PPP1R12B: variants seen among roughly 807,000 people sequenced by gnomAD.
The protein encoded by PPP1R12B is protein phosphatase 1 regulatory subunit 12B.
PPP1R12B carries 76 observed loss-of-function variants against 126.1 expected under a neutral mutation model. That is an observed-to-expected ratio of 0.60 (90% CI 0.50 to 0.73). The LOEUF (loss-of-function observed/expected upper bound fraction) is 0.73, where lower values mean the gene tolerates loss of function less well. PPP1R12B is among the 30% of genes least tolerant of loss of function. The pLI is 0.00. For synonymous variants in PPP1R12B, 356 were observed against 434.7 expected, an observed-to-expected ratio of 0.82 and a Z score of 2.25; for missense variants, 1,052 against 1,205.1, an observed-to-expected ratio of 0.87 and a Z score of 1.88.
chr1:202,455,204 A>G (rs1242375046), intron 13 of PPP1R12B, among the ~76,000 whole-genome samples: 1 of 122,326 alleles, frequency 8.2e-6, no homozygotes, highest in Non-Finnish European at 1.9e-5. Flanking sequence ...ATATATATAT[A>G]TAGAGAGAGA....
chr1:202,493,795 G>T (rs1385495753), intron 15 of PPP1R12B, among the ~76,000 whole-genome samples: 1 of 152,150 alleles, frequency 6.6e-6, no homozygotes, highest in South Asian at 2.1e-4. Flanking sequence ...CCAAGAAGTG[G>T]TTAAGCCAGA....
At chr1:202,488,724 A>C in intron 14 of PPP1R12B, 101 bp downstream of exon 14, 1 of 952,332 alleles carries the variant, frequency 1.1e-6, no homozygotes, top group Admixed American at 2.2e-5. Flanking sequence ...TGCTGATTTA[A>C]ACACACACAC....
At chr1:202,439,717 C>T (rs1185153595) in intron 10 of PPP1R12B, 117 of 584,584 alleles carry the variant, frequency 2.0e-4, no homozygotes, top group African/African-American at 1.8e-3. Context: ...GCAGCCCAGC[C>T]AGCAGGAGGG....
chr1:202,537,034 G>T (rs919012329), intron 18 of PPP1R12B, among the ~76,000 whole-genome samples: 1 of 152,128 alleles, frequency 6.6e-6, no homozygotes, highest in Non-Finnish European at 1.5e-5. Context: ...CTAAAATAAT[G>T]ATTTAAAATA....
Position 202,580,680 on chromosome 1 carries a change from T to G in PPP1R12B, c.*120T>G. 1 of 794,646 alleles carries G rather than the reference T, an allele frequency of 1.3e-6. No individual in the cohort carries two copies. 49.2% of individuals were successfully genotyped at this position (794,646 alleles called of 1,614,324 possible). Reference sequence around the variant, plus strand: ...GTTTTGGTGGAAGGACACTTCTTTCTATCACCCTCTTCAGTCACCTCTATA... The same window carrying G: ...GTTTTGGTGGAAGGACACTTCTTTCGATCACCCTCTTCAGTCACCTCTATA... On this transcript the variant is annotated 3_prime_UTR_variant, in exon 24 of 24. Coordinates refer to ENST00000608999, the MANE Select transcript of PPP1R12B (RefSeq NM_002481.4).
At chr1:202,489,397 A>G (rs1187068489) in intron 14 of PPP1R12B, among the ~76,000 whole-genome samples, 2 of 152,238 alleles carry the variant, frequency 1.3e-5, no homozygotes, top group African/African-American at 2.4e-5. Flanking sequence ...ATGTTCATAT[A>G]AAAACTTGTA....
intron 13 of PPP1R12B, among the ~76,000 whole-genome samples, chr1:202,483,811 G>T (rs1020975235): frequency 2.0e-5 from 3 of 152,096 alleles, no homozygotes; most frequent in Non-Finnish European, 4.4e-5. Flanking sequence ...TGGATGGATG[G>T]ATGTATTTAT....
At chr1:202,564,362 C>T in intron 20 of PPP1R12B, 81 bp from the exon 21 acceptor site, 1 of 1,052,574 alleles carries the variant, frequency 9.5e-7, no homozygotes, top group Non-Finnish European at 1.4e-6. Context: ...GCTTGGGGCA[C>T]AGAGCCCTGG....
intron 1 of PPP1R12B, among the ~76,000 whole-genome samples, chr1:202,406,211 A>G (rs1211495583): frequency 6.6e-6 from 1 of 152,218 alleles, no homozygotes; most frequent in African/African-American, 2.4e-5. Flanking sequence ...TTTACTCTAC[A>G]TGCCAACTTG....
chr1:202,418,700 G>A (rs1052921203), intron 2 of PPP1R12B, among the ~76,000 whole-genome samples: 13 of 151,962 alleles, frequency 8.6e-5, no homozygotes, highest in Non-Finnish European at 8.8e-5. Flanking sequence ...GTGGGGTGGC[G>A]GTGAGATGGC....
chr1:202,547,965 C>T (rs577245687), intron 18 of PPP1R12B, among the ~76,000 whole-genome samples: 16 of 152,322 alleles, frequency 1.1e-4, no homozygotes, highest in Admixed American at 3.3e-4. Flanking sequence ...ATTTATTGAA[C>T]ATTTACTCTT....
rs367941711 is a variant in PPP1R12B at position 202,567,771 on chromosome 1, G to A, written c.2758-7G>A. The A allele has an allele frequency of 6.2e-6, 10 of 1,613,806 alleles. No individual in the cohort carries two copies. Among genetic ancestry groups the A allele is most frequent in the Non-Finnish European group, 6.8e-6 (8 of 1,179,848 alleles). ...AATAACAACTGTTTTCCTTCCATTTGCACCAGCAGAAACAAGAAAAGACCT... is the reference window on the plus strand; with the variant it reads ...AATAACAACTGTTTTCCTTCCATTTACACCAGCAGAAACAAGAAAAGACCT... On this transcript the variant is annotated splice_region_variant and splice_polypyrimidine_tract_variant and intron_variant, in intron 21 of 23. Transcript: ENST00000608999.
intron 18 of PPP1R12B, among the ~76,000 whole-genome samples, chr1:202,518,110 C>A (rs1682363815): frequency 6.6e-6 from 1 of 152,156 alleles, no homozygotes; most frequent in Non-Finnish European, 1.5e-5. Flanking sequence ...GAATAGCCCC[C>A]TATGAAAATG....
chr1:202,499,262 AT>A (rs1167532807), intron 18 of PPP1R12B, among the ~76,000 whole-genome samples: 6 of 150,406 alleles, frequency 4.0e-5, no homozygotes, highest in African/African-American at 7.3e-5. Context: ...GTAATATTTA[AT>A]TTTTTTTTTG....
In PPP1R12B at chr1:202,591,887, C is replaced by T. The variant is rs529534230; in HGVS notation, c.*11327C>T. On this transcript the variant is annotated 3_prime_UTR_variant, in exon 24 of 24. Transcript: ENST00000608999. Reference sequence around the variant, plus strand: ...CCACTGCTGTCTGCTCCTCGCCCAGCGTAGAGATGGAGCTGAACTGTGAAC... The same window carrying T: ...CCACTGCTGTCTGCTCCTCGCCCAGTGTAGAGATGGAGCTGAACTGTGAAC... The T allele has an allele frequency of 1.2e-4, 19 of 152,866 alleles. No individual in the cohort carries two copies. The South Asian group carries it at 2.9e-3, about 23-fold the overall frequency. 9.5% of individuals were successfully genotyped at this position (152,866 alleles called of 1,614,324 possible).
intron 23 of PPP1R12B, chr1:202,575,276 G>A (rs1004262999): frequency 2.4e-6 from 3 of 1,237,138 alleles, no homozygotes; most frequent in African/African-American, 3.0e-5. Flanking sequence ...TTGGTTATCT[G>A]CAGATGGAAG....
At chr1:202,509,613 T>C (rs2148890789) in intron 18 of PPP1R12B, among the ~76,000 whole-genome samples, 1 of 152,330 alleles carries the variant, frequency 6.6e-6, no homozygotes, top group Admixed American at 6.5e-5. Context: ...GCTCACAGGT[T>C]CTTGGAAGAG....
rs1185985097 is a variant in PPP1R12B at position 202,495,372 on chromosome 1, C to T, written c.2225C>T (p.Ser742Leu). The T allele has an allele frequency of 1.2e-6, 2 of 1,607,146 alleles. No homozygotes were observed. Among genetic ancestry groups the T allele is most frequent in the Admixed American group, 1.7e-5 (1 of 59,412 alleles). The change falls in exon 16 of 24, where the codon TCA (serine) becomes TTA (leucine). Residue 742 changes from serine (S) to leucine (L), a missense_variant. Coordinates refer to ENST00000608999, the MANE Select transcript of PPP1R12B (RefSeq NM_002481.4). ...GCATCTCCTTCTACGTCAAGACCCT[C>T]ACTCTACACCAGTTCCCACCTGCTA... is the stretch of plus-strand genomic sequence containing the variant. ...TPASPSTSRP[S>L]LYTSSHLLWT...
At chr1:202,472,250 A>G in intron 13 of PPP1R12B, 1 of 452,772 alleles carries the variant, frequency 2.2e-6, no homozygotes, top group African/African-American at 2.0e-5. Flanking sequence ...TATCATATGA[A>G]CGTTCTTTAT....
Sources: allele counts gnomAD v4.1 joint callset (sites outside exome capture counted in the v4.1 genomes callset), GRCh38; gene constraint gnomAD v4.1.1; transcripts MANE v1.5; gene names NCBI Gene and HGNC (gene_info 2026-07-23, HGNC 2026-07-21).